The following PDSS2 variants were observed in gnomAD, a reference collection of about 807,000 sequenced individuals.
PDSS2 encodes all trans-polyprenyl-diphosphate synthase PDSS2.
In PDSS2, 31 loss-of-function variants were observed where a neutral mutation model predicts 44.5. That is an observed-to-expected ratio of 0.70 (90% CI 0.52 to 0.94). PDSS2 has a LOEUF of 0.94. PDSS2 is among the 40% of genes least tolerant of loss of function. The probability of loss-of-function intolerance (pLI) is 0.00; values close to 1 mark genes in which losing one functional copy is unlikely to be tolerated. For missense variants in PDSS2, 452 were observed against 482.2 expected, an observed-to-expected ratio of 0.94 and a Z score of 0.59; for synonymous variants, 157 against 180.3, an observed-to-expected ratio of 0.87 and a Z score of 1.03.
At chr6:107,452,075 T>G (rs972036959) in intron 1 of PDSS2, among the ~76,000 whole-genome samples, 1 of 152,210 alleles carries the variant, frequency 6.6e-6, no homozygotes, top group South Asian at 2.1e-4. Context: ...AAGGCTAGAG[T>G]GCAGTGGTAC....
At chr6:107,288,154 A>C (rs957572876) in intron 2 of PDSS2, among the ~76,000 whole-genome samples, 1 of 152,274 alleles carries the variant, frequency 6.6e-6, no homozygotes, top group East Asian at 1.9e-4. Context: ...TCCGTCCAAC[A>C]TGTTTGTTTT....
intron 1 of PDSS2, among the ~76,000 whole-genome samples, chr6:107,435,281 A>AACAC (rs57353175): frequency 1.2e-3 from 155 of 133,794 alleles, no homozygotes; most frequent in Middle Eastern, 7.4e-3. Context: ...ACTGCCTCAA[A>AACAC]ACACACACAC....
chr6:107,320,178 G>A, intron 2 of PDSS2, among the ~76,000 whole-genome samples: 1 of 152,164 alleles, frequency 6.6e-6, no homozygotes, highest in East Asian at 1.9e-4. Context: ...TAGTGTTCAA[G>A]TGATTAACTA....
chr6:107,308,250 A>AT (rs1776926097), intron 2 of PDSS2, among the ~76,000 whole-genome samples: 2 of 152,198 alleles, frequency 1.3e-5, no homozygotes, highest in Admixed American at 1.3e-4. Flanking sequence ...AAATATTTTG[A>AT]TTATTTGTAA....
Position 107,153,811 on chromosome 6 carries a change from C to G in PDSS2, c.*808G>C, listed in dbSNP as rs1309252513. On this transcript the variant is annotated 3_prime_UTR_variant, in exon 8 of 8. Transcript: ENST00000369037. ...AGACATGAGGCCAGGTGCAGTGGCTCAAGCCTCTAATCCCAGCACTTTGGG... is the reference window on the plus strand; with the variant it reads ...AGACATGAGGCCAGGTGCAGTGGCTGAAGCCTCTAATCCCAGCACTTTGGG... The G allele has an allele frequency of 2.0e-5, 3 of 152,394 alleles. No individual in the cohort carries two copies. Among genetic ancestry groups the G allele is most frequent in the African/African-American group, 4.8e-5 (2 of 41,452 alleles). 9.4% of individuals were successfully genotyped at this position (152,394 alleles called of 1,614,324 possible).
intron 4 of PDSS2, among the ~76,000 whole-genome samples, chr6:107,214,766 A>G (rs1773356934): frequency 6.6e-6 from 1 of 152,144 alleles, no homozygotes; most frequent in Non-Finnish European, 1.5e-5. Context: ...CCACTGGTCA[A>G]ATCAAATTAT....
rs1294107758 is a variant in PDSS2, at chr6:107,286,983, T to A, written c.432-12756A>T. On this transcript the variant is annotated intron_variant, in intron 2 of 7. Transcript: ENST00000369037. ...TGAACCCGGGAGGTGGAGGTTGCAG[T>A]GAGCCGAGATTGTGCCACTGCACTC... 2.0e-5 allele frequency among the ~76,000 whole-genome samples: 3 copies of A among 152,142 alleles called. No individual in the cohort carries two copies. The East Asian group carries it at 5.8e-4, about 29-fold the overall frequency.
At chr6:107,185,123 T>TAAAAAAAA (rs11317647) in intron 7 of PDSS2, among the ~76,000 whole-genome samples, 14 of 88,770 alleles carry the variant, frequency 1.6e-4, no homozygotes, top group Non-Finnish European at 2.7e-4. Context: ...ACCTTATATC[T>TAAAAAAAA]AAAAAAAAAA....
chr6:107,450,464 T>C (rs1163236009), intron 1 of PDSS2, among the ~76,000 whole-genome samples: 1 of 151,986 alleles, frequency 6.6e-6, no homozygotes, highest in African/African-American at 2.4e-5. Context: ...CACAAAATCA[T>C]CCCAAAATAA....
In PDSS2 at chr6:107,274,097, C is replaced by T; in HGVS notation, c.562G>A (p.Ala188Thr). ...AGAAGAAAGTCTCCACTCAGGATAG[C>T]AATTTTATTTCCAAATTGCATGTCT... ...LKDMQFGNKI[A>T]ILSGDFLLAN... The change falls in exon 3 of 8, where the codon GCT (alanine) becomes ACT (threonine). Residue 188 changes from alanine to threonine, a missense_variant. Ala to Thr is a moderately conservative substitution (Grantham distance 58). Coordinates refer to ENST00000369037, the MANE Select transcript of PDSS2 (RefSeq NM_020381.4). 6.2e-7 allele frequency: 1 copy of T among 1,614,028 alleles called. No individual in the cohort carries two copies. The highest frequency in any genetic ancestry group is 8.5e-7 in the Non-Finnish European group (1 of 1,179,876).
chr6:107,445,188 T>TTATATATATATATA (rs60071847), intron 1 of PDSS2, among the ~76,000 whole-genome samples: 1 of 149,824 alleles, frequency 6.7e-6, no homozygotes, highest in African/African-American at 2.4e-5. Context: ...ATTACATATT[T>TTATATATATATATA]TATATATATA....
At chr6:107,401,874 G>C (rs191121287) in intron 1 of PDSS2, among the ~76,000 whole-genome samples, 1 of 152,262 alleles carries the variant, frequency 6.6e-6, no homozygotes, top group East Asian at 1.9e-4. Context: ...GCTGAGCACA[G>C]TGGCTCATGC....
intron 2 of PDSS2, among the ~76,000 whole-genome samples, chr6:107,286,738 C>G (rs73511114): frequency 2.3e-3 from 355 of 151,992 alleles, no homozygotes; most frequent in African/African-American, 8.5e-3. Flanking sequence ...TGATGCTCAA[C>G]CTCACTAATA....
In PDSS2 at chr6:107,255,788, G is replaced by A. The variant is rs572743678; in HGVS notation, c.631-10169C>T. Among the ~76,000 whole-genome samples, 10 of 152,172 alleles carry A rather than the reference G, an allele frequency of 6.6e-5. No individual in the cohort carries two copies. In the East Asian group the frequency reaches 1.5e-3, roughly 24 times the overall value. Reference sequence around the variant, plus strand: ...CAAGGTCTTCCAAATTTTTGATGCAGTTTAAACATTGTTACTCTAAAATAT... The same window carrying A: ...CAAGGTCTTCCAAATTTTTGATGCAATTTAAACATTGTTACTCTAAAATAT... On this transcript the variant is annotated intron_variant, in intron 3 of 7. Transcript: ENST00000369037.
chr6:107,402,495 T>TATGTATATATGTATACGTATATAC, intron 1 of PDSS2, among the ~76,000 whole-genome samples: 2 of 79,050 alleles, frequency 2.5e-5, no homozygotes, highest in Non-Finnish European at 5.7e-5. Context: ...TACGTATATA[T>TATGTATATATGTATACGTATATAC]GTATACATAT....
Position 107,459,070 on chromosome 6 carries a change from C to A in PDSS2, c.216G>T (p.Leu72=), listed in dbSNP as rs911395246. Residue 72 remains leucine, a synonymous_variant, in exon 1 of 8, where the codon CTG becomes CTT. Transcript: ENST00000369037. The surrounding 1 kb of genome is among the most constrained non-coding windows in gnomAD (Gnocchi z 4.3). ...CGATGTTGCTGAGCTCGTCGCTCAG[C>A]AGGCAGCGAAGGCTCATGAAGGACG... ...YPTSFMSLRC[L]LSDELSNIAM... The A allele has an allele frequency of 1.9e-6, 3 of 1,614,124 alleles. No homozygotes were observed. Among genetic ancestry groups the A allele is most frequent in the Non-Finnish European group, 2.5e-6 (3 of 1,180,028 alleles).
At position 107,457,268 on chromosome 6, in the gene PDSS2, C is replaced by T. The variant is rs142881212; in HGVS notation, c.296+1722G>A. Among the ~76,000 whole-genome samples, 147 of 152,270 alleles carry T rather than the reference C, an allele frequency of 9.7e-4. 4 individuals are homozygous for T. In the East Asian group the frequency reaches 0.027, roughly 28 times the overall value. ...ATGTTCTTTATCTTAACTGTATCAA[C>T]ATAAATACCCTGCTTATGATATTAC... On this transcript the variant is annotated intron_variant, in intron 1 of 7. Transcript: ENST00000369037.
intron 7 of PDSS2, among the ~76,000 whole-genome samples, chr6:107,185,539 CT>C (rs1395942638): frequency 2.0e-5 from 3 of 152,190 alleles, no homozygotes; most frequent in Non-Finnish European, 1.5e-5. Flanking sequence ...CTGCCTCAGT[CT>C]TTTTAGCAGC....
chr6:107,274,042 A>G lies in PDSS2; in HGVS notation c.617T>C (p.Leu206Pro). 6.2e-7 allele frequency: 1 copy of G among 1,614,016 alleles called. No homozygotes were observed. Among genetic ancestry groups the G allele is most frequent in the Non-Finnish European group, 8.5e-7 (1 of 1,179,882 alleles). Reference protein sequence around the residue: ...LANACNGLALLQNTKVVELLA... With the variant: ...LANACNGLALPQNTKVVELLA... ...GCCCAATTTTACCTTGGTGTTCTGT[A>G]GCAGAGCTAGTCCATTGCAGGCATT... The change falls in exon 3 of 8, where the codon CTA becomes CCA. Residue 206 changes from leucine (L) to proline (P), a missense_variant. By Grantham distance (98) the Leu-to-Pro change is moderately conservative. Transcript: ENST00000369037.
Sources: allele counts gnomAD v4.1 joint callset (sites outside exome capture counted in the v4.1 genomes callset), GRCh38; gene constraint gnomAD v4.1.1; non-coding constraint Gnocchi (gnomAD v3.1); transcripts MANE v1.5; gene names NCBI Gene and HGNC (gene_info 2026-07-23, HGNC 2026-07-21).